Variants in MAX observed in about 807,000 individuals in gnomAD.
MAX encodes the protein MYC associated transcriptional regulator X.
A neutral mutation model predicts 22.3 loss-of-function variants in MAX; 3 were observed. The observed-to-expected ratio is 0.13, with a 90% CI of 0.06 to 0.35. MAX has a LOEUF of 0.35. Ranked by LOEUF, MAX falls within the 10% of genes least tolerant of loss-of-function variation. MAX has a pLI of 1.00. For missense variants in MAX, 119 were observed against 209.4 expected, an observed-to-expected ratio of 0.57 and a Z score of 2.66; for synonymous variants, 72 against 77.7, an observed-to-expected ratio of 0.93 and a Z score of 0.39.
chr14:65,070,424 G>A (rs1378110937), downstream of MAX, among the ~76,000 whole-genome samples: 4 of 152,236 alleles, frequency 2.6e-5, no homozygotes, highest in Non-Finnish European at 4.4e-5. The surrounding 1 kb of genome is among the most constrained non-coding windows in gnomAD (Gnocchi z 4.4). Flanking sequence ...AGAGCAGGCT[G>A]TGGGTATACA....
intron 3 of MAX, among the ~76,000 whole-genome samples, chr14:65,042,677 T>TTC (rs2062378738): frequency 6.6e-6 from 1 of 152,222 alleles, no homozygotes; most frequent in Non-Finnish European, 1.5e-5. Context: ...GTAGGACCCA[T>TTC]ATCTGAAGTA....
rs2062220623 is a variant in MAX, at chr14:65,037,402, CCTTTTTTTTTTT to C, written c.172-31130_172-31119del. Among the ~76,000 whole-genome samples, 31 of 14,530 alleles carry C rather than the reference CCTTTTTTTTTTT, an allele frequency of 2.1e-3. 7 individuals carry two copies. Among genetic ancestry groups the C allele is most frequent in the African/African-American group, 4.9e-3 (17 of 3,442 alleles). The allele number at this position is 14,530 out of a possible 152,430, so 9.5% of individuals were successfully genotyped here. A position where few individuals can be genotyped will look rare whatever the true frequency, so the allele number is the denominator to read the frequency against. On this transcript the variant is annotated intron_variant, in intron 3 of 3. Coordinates refer to the MAX transcript ENST00000341653. The stretch of plus-strand genomic sequence containing the variant: ...ATAGGCGTGAGCCACCACGCCGGGC[CCTTTTTTTTTTT>C]TTTTTTTTTTTTTTTTTTTTTTTTT...
chr14:65,090,139 T>C (rs1465419389), intron 3 of MAX: 2 of 152,202 alleles, frequency 1.3e-5, no homozygotes, highest in African/African-American at 2.4e-5. Context: ...CCTCAGAGGA[T>C]AGCATTTCTG....
Position 65,029,982 on chromosome 14 carries a change from C to G in MAX, c.172-23698G>C, listed in dbSNP as rs923126760. On this transcript the variant is annotated intron_variant, in intron 3 of 3. Transcript: ENST00000341653. The surrounding 1 kb of genome is among the most constrained non-coding windows in gnomAD (Gnocchi z 4.7). ...AGGATGGAAAGTTAGTGGACAAATT[C>G]AAATTTGAGAGCTGCGATGACTGGG... 6.6e-6 allele frequency among the ~76,000 whole-genome samples: 1 copy of G among 152,084 alleles called. No individual in the cohort carries two copies. Among genetic ancestry groups the G allele is most frequent in the African/African-American group, 2.4e-5 (1 of 41,410 alleles).
At chr14:65,083,681 T>A in intron 3 of MAX, 1 of 1,021,122 alleles carries the variant, frequency 9.8e-7, no homozygotes, top group Non-Finnish European at 1.2e-6. Context: ...GTTACAGCTG[T>A]CTTGTTCCCC....
rs116760889 is a variant in MAX, at chr14:65,015,392, C to T, written c.172-9108G>A. 1,309 of 382,448 alleles carry T rather than the reference C, an allele frequency of 3.4e-3. 17 individuals are homozygous for T. Among genetic ancestry groups the T allele is most frequent in the African/African-American group, 0.022 (1,095 of 48,954 alleles). The allele number at this position is 382,448 out of a possible 1,614,324, so 23.7% of individuals were successfully genotyped here. ...TGCTGGGATTACAGGCATGAACCAC[C>T]GCGCCCAGCCTTGTTATCTTTTTTT... On this transcript the variant is annotated intron_variant, in intron 3 of 3. Transcript: ENST00000341653.
In MAX at chr14:65,102,345, A is replaced by G. The variant is rs2139977859; in HGVS notation, c.-6T>C. 6.2e-7 allele frequency: 1 copy of G among 1,613,212 alleles called. No homozygotes were observed. Among genetic ancestry groups the G allele is most frequent in the Non-Finnish European group, 8.5e-7 (1 of 1,179,538 alleles). ...ATGTCATCGTTATCGCTCATTTCCT[A>G]CGGCCCAGGGAGCGGCCACTGCAGC... is the stretch of plus-strand genomic sequence containing the variant. On this transcript the variant is annotated 5_prime_UTR_variant, in exon 1 of 5. Transcript: ENST00000358664.
At chr14:65,050,224 A>G (rs1296515682) in intron 3 of MAX, among the ~76,000 whole-genome samples, 1 of 152,224 alleles carries the variant, frequency 6.6e-6, no homozygotes, top group East Asian at 1.9e-4. Context: ...CTAATTAGTA[A>G]TCAGAGGCAT....
Position 65,054,493 on chromosome 14 carries a change from G to A in MAX, c.171+39215C>T. On this transcript the variant is annotated intron_variant, in intron 3 of 3. Transcript: ENST00000341653. The surrounding 1 kb of genome is among the most constrained non-coding windows in gnomAD (Gnocchi z 4.4). ...TGGGGGGGGACGTGTGATTGCACCA[G>A]TGGTCTCTGAATTGGTGTGGCTACA... The A allele has an allele frequency of 7.3e-7, 1 of 1,374,476 alleles. No individual in the cohort carries two copies. Among genetic ancestry groups the A allele is most frequent in the Non-Finnish European group, 1.0e-6 (1 of 993,520 alleles). The allele number at this position is 1,374,476 out of a possible 1,614,324, so 85.1% of individuals were successfully genotyped here.
At chr14:65,086,664 G>T (rs2063341928) in intron 3 of MAX, among the ~76,000 whole-genome samples, 2 of 152,176 alleles carry the variant, frequency 1.3e-5, no homozygotes, top group African/African-American at 4.8e-5. Context: ...AGGTGACTTG[G>T]GTGCTGTAAA....
Position 65,063,767 on chromosome 14 carries a change from G to A in MAX, c.171+29941C>T, listed in dbSNP as rs373767941. On this transcript the variant is annotated intron_variant, in intron 3 of 3. Coordinates refer to the MAX transcript ENST00000341653. ...TTTTATAGAAATGGGGTTTCACCAC[G>A]TTGCCCAAGCTGGTCTCGAGCTCCT... 2.3e-3 allele frequency among the ~76,000 whole-genome samples: 347 copies of A among 152,160 alleles called. 1 individual carries two copies. The Middle Eastern group carries it at 0.044, about 19-fold the overall frequency.
chr14:65,031,504 G>A lies in MAX; in HGVS notation c.172-25220C>T, dbSNP rs1191619661. 6.6e-6 allele frequency among the ~76,000 whole-genome samples: 1 copy of A among 151,886 alleles called. No homozygotes were observed. Among genetic ancestry groups the A allele is most frequent in the African/African-American group, 2.4e-5 (1 of 41,388 alleles). ...AGCTAATTTTTGTGTTTTTAGTGGA[G>A]ACGGGGTTTCGCAATATTGGTCAGG... is the stretch of plus-strand genomic sequence containing the variant. On this transcript the variant is annotated intron_variant, in intron 3 of 3. Transcript: ENST00000341653. The surrounding 1 kb of genome is among the most constrained non-coding windows in gnomAD (Gnocchi z 4.6).
chr14:65,022,171 C>T (rs1314562819), intron 3 of MAX: 8 of 424,828 alleles, frequency 1.9e-5, no homozygotes, highest in Middle Eastern at 4.7e-4. Flanking sequence ...TTAGTTAGTA[C>T]GAGAACAAGC....
chr14:65,046,664 A>C (rs1468697831), intron 3 of MAX, among the ~76,000 whole-genome samples: 2 of 151,916 alleles, frequency 1.3e-5, no homozygotes, highest in Non-Finnish European at 2.9e-5. Context: ...TCTGTAAAGA[A>C]GGGAAGTGTG....
chr14:65,084,108 C>T lies in MAX; in HGVS notation c.172-6072G>A, dbSNP rs757794405. The T allele has an allele frequency of 2.1e-5, 34 of 1,603,758 alleles. No homozygotes were observed. The highest frequency in any genetic ancestry group is 2.6e-5 in the Non-Finnish European group (31 of 1,173,570). On this transcript the variant is annotated intron_variant, in intron 3 of 4. Transcript: ENST00000358664. This position sits in a 1 kb window ranked among gnomAD's most constrained non-coding sequence, Gnocchi z 4.3. Reference sequence around the variant, plus strand: ...TGCTGATTACCAGGGTAAGGCAGAGCTATCAGCCCTCAAGCAGCTTAATTA... The same window carrying T: ...TGCTGATTACCAGGGTAAGGCAGAGTTATCAGCCCTCAAGCAGCTTAATTA...
intron 2 of MAX, among the ~76,000 whole-genome samples, chr14:65,101,165 G>A (rs1372225112): frequency 1.3e-5 from 2 of 152,200 alleles, no homozygotes; most frequent in African/African-American, 2.4e-5. Flanking sequence ...TACAGATATG[G>A]TTTAAAACCT....
chr14:65,058,102 A>G (rs113765466), intron 3 of MAX, among the ~76,000 whole-genome samples: 2 of 146,024 alleles, frequency 1.4e-5, no homozygotes, highest in African/African-American at 5.6e-5. Flanking sequence ...TTAATAGGAG[A>G]GAACCAACTT....
Position 65,054,520 on chromosome 14 carries a change from T to C in MAX, c.171+39188A>G. 6.5e-7 allele frequency: 1 copy of C among 1,546,334 alleles called. No individual in the cohort carries two copies. Among genetic ancestry groups the C allele is most frequent in the Admixed American group, 1.8e-5 (1 of 54,348 alleles). ...GGTCTCTGAATTGGTGTGGCTACAT[T>C]TGTAGATGTGTGCGGAGCAGAGGAG... On this transcript the variant is annotated intron_variant, in intron 3 of 3. Coordinates refer to the MAX transcript ENST00000341653. The surrounding 1 kb of genome is among the most constrained non-coding windows in gnomAD (Gnocchi z 4.4).
chr14:65,019,204 T>A (rs1478846038), intron 3 of MAX, among the ~76,000 whole-genome samples: 1 of 150,820 alleles, frequency 6.6e-6, no homozygotes, highest in Non-Finnish European at 1.5e-5. Context: ...AAGAACTTTC[T>A]GGCTGGATGT....
Sources: allele counts gnomAD v4.1 joint callset (sites outside exome capture counted in the v4.1 genomes callset), GRCh38; gene constraint gnomAD v4.1.1; non-coding constraint Gnocchi (gnomAD v3.1); transcripts MANE v1.5; gene names NCBI Gene and HGNC (gene_info 2026-07-23, HGNC 2026-07-21).